The following CD109 variants were observed in gnomAD, a reference collection of about 807,000 sequenced individuals.
CD109 encodes the protein CD109 molecule.
Under a neutral mutation model 165.8 loss-of-function variants are expected in CD109, and 149 were observed. The observed-to-expected ratio is 0.90, with a 90% CI of 0.79 to 1.03. The LOEUF is 1.03. Ranked by LOEUF, CD109 falls within the 50% of genes least tolerant of loss-of-function variation. The pLI is 0.00. For synonymous variants in CD109, 585 were observed against 592.1 expected, an observed-to-expected ratio of 0.99 and a Z score of 0.18; for missense variants, 1,712 against 1,677.8, an observed-to-expected ratio of 1.02 and a Z score of -0.36.
rs147944841 is a variant in CD109, at chr6:73,763,607, C to A, written c.1029C>A (p.Phe343Leu). 2,932 of 1,592,226 alleles carry A rather than the reference C, an allele frequency of 1.8e-3. 7 individuals carry two copies. Among genetic ancestry groups the A allele is most frequent in the Non-Finnish European group, 2.4e-3 (2,793 of 1,167,404 alleles). The change falls in exon 10 of 33, where the codon TTC (phenylalanine) becomes TTA (leucine). Residue 343 changes from phenylalanine to leucine, a missense_variant. By Grantham distance (22) the Phe-to-Leu change is conservative. Coordinates refer to ENST00000287097, the MANE Select transcript of CD109 (RefSeq NM_133493.5). ...GISRNVSTNVFFKQHDYIIEF... is the reference protein window; with the variant it reads ...GISRNVSTNVLFKQHDYIIEF... ...CAAGAAATGTAAGCACTAATGTGTT[C>A]TTCAAGCAACATGATTACATCATTG...
chr6:73,733,656 C>T (rs1772445454), intron 4 of CD109, among the ~76,000 whole-genome samples: 1 of 152,140 alleles, frequency 6.6e-6, no homozygotes, highest in Non-Finnish European at 1.5e-5. Context: ...GGTGAATGAT[C>T]TTGTAGGGGA....
At chr6:73,699,314 T>A (rs9350500) in intron 2 of CD109, among the ~76,000 whole-genome samples, 94,107 of 151,848 alleles carry the variant, frequency 0.62, 29,763 homozygotes, top group South Asian at 0.75. Context: ...ATGACAGGCA[T>A]TTTACCTATA....
intron 12 of CD109, 24 bp from the exon 13 acceptor site, chr6:73,766,924 A>AT (rs1448490370): frequency 3.1e-6 from 5 of 1,612,136 alleles, no homozygotes; most frequent in Non-Finnish European, 8.5e-7. Context: ...TGATATGTAC[A>AT]TATTAATTAA....
chr6:73,781,209 T>A (rs769576856), intron 16 of CD109, 50 bp from the exon 17 acceptor site: 2 of 1,469,808 alleles, frequency 1.4e-6, no homozygotes, highest in East Asian at 2.3e-5. Flanking sequence ...GATAATTTAG[T>A]GAGCATTTAA....
intron 10 of CD109, 95 bp downstream of exon 10, chr6:73,763,780 A>G: frequency 1.7e-6 from 1 of 571,710 alleles, no homozygotes; most frequent in East Asian, 3.1e-5. Context: ...CTAAAAATTT[A>G]AGCCAAAAAG....
the CD109 span, among the ~76,000 whole-genome samples, chr6:73,686,664 T>G: frequency 1.3e-5 from 2 of 152,058 alleles, no homozygotes; most frequent in Non-Finnish European, 2.9e-5. Context: ...AAATTAAAAA[T>G]TCAATTTCTC....
intron 2 of CD109, among the ~76,000 whole-genome samples, chr6:73,710,930 CTTTA>C (rs1332359664): frequency 6.6e-6 from 1 of 152,188 alleles, no homozygotes; most frequent in East Asian, 1.9e-4. Context: ...ACCAGCAGAA[CTTTA>C]TTTATGGATG....
intron 21 of CD109, 62 bp downstream of exon 21, chr6:73,787,514 G>GT (rs35066559): frequency 0.34 from 443,245 of 1,315,766 alleles, 79,591 homozygotes; most frequent in African/African-American, 0.46. Context: ...GAAGCAGAAG[G>GT]TTTTTTCTCT....
In CD109 at chr6:73,803,245, G is replaced by A; in HGVS notation, c.2904G>A (p.Gln968=). Residue 968 remains glutamine (Q), a synonymous_variant, in exon 24 of 33, where the codon CAG becomes CAA. Coordinates refer to ENST00000287097, the MANE Select transcript of CD109 (RefSeq NM_133493.5). ...RQGYQRELLY[Q]REDGSFSAFG... ...GTTACCAGAGAGAACTTCTCTATCA[G>A]AGGGAAGATGGCTCTTTCAGTGCTT... The A allele has an allele frequency of 6.2e-7, 1 of 1,610,848 alleles. No homozygotes were observed. The highest frequency in any genetic ancestry group is 1.3e-5 in the African/African-American group (1 of 74,730).
At position 73,720,440 on chromosome 6, in the gene CD109, C is replaced by T. The variant is rs79357555; in HGVS notation, c.248-2811C>T. ...TAATTTCAAGAGATCTAGTGTACAGCATGGTGACTATGGTTAATATCAACA... is the reference window on the plus strand; with the variant it reads ...TAATTTCAAGAGATCTAGTGTACAGTATGGTGACTATGGTTAATATCAACA... On this transcript the variant is annotated intron_variant, in intron 2 of 32. Coordinates refer to ENST00000287097, the MANE Select transcript of CD109 (RefSeq NM_133493.5). Among the ~76,000 whole-genome samples, 53 of 152,142 alleles carry T rather than the reference C, an allele frequency of 3.5e-4. No individual in the cohort carries two copies. The East Asian group carries it at 0.01, about 29-fold the overall frequency.
intron 1 of CD109, 48 bp from the exon 2 acceptor site, chr6:73,697,352 G>T (rs368400978): frequency 6.4e-7 from 1 of 1,562,484 alleles, no homozygotes; most frequent in African/African-American, 1.4e-5. Context: ...AAAGAAAGGA[G>T]ATGTGAGGAT....
At chr6:73,800,500 A>T (rs928930347) in intron 23 of CD109, among the ~76,000 whole-genome samples, 18 of 152,178 alleles carry the variant, frequency 1.2e-4, no homozygotes, top group Non-Finnish European at 2.4e-4. Flanking sequence ...GGGTAAAGAC[A>T]TTCCCCTACA....
upstream of CD109, chr6:73,695,063 T>A (rs935965083): frequency 1.5e-5 from 2 of 129,326 alleles, no homozygotes; most frequent in African/African-American, 5.3e-5. Flanking sequence ...TCACTTTTCC[T>A]TATTTAGCAC....
intron 2 of CD109, among the ~76,000 whole-genome samples, chr6:73,698,826 C>A (rs1269875046): frequency 6.6e-6 from 1 of 152,270 alleles, no homozygotes; most frequent in East Asian, 1.9e-4. Flanking sequence ...GAGTTTGAAT[C>A]CTGGTACTAC....
chr6:73,696,207 G>A lies in CD109; in HGVS notation c.-9G>A. 6.5e-7 allele frequency: 1 copy of A among 1,545,500 alleles called. No homozygotes were observed. The highest frequency in any genetic ancestry group is 1.2e-5 in the South Asian group (1 of 84,284). The stretch of plus-strand genomic sequence containing the variant: ...GCAGCGGACTGTAGCCCAGGCAGAC[G>A]CCGTCGAGATGCAGGGCCCACCGCT... On this transcript the variant is annotated 5_prime_UTR_variant, in exon 1 of 33. Transcript: ENST00000287097.
chr6:73,689,765 TATTTCAC>T, the CD109 span, among the ~76,000 whole-genome samples: 1 of 152,232 alleles, frequency 6.6e-6, no homozygotes, highest in Admixed American at 6.5e-5. Context: ...AAACATTGTG[TATTTCAC>T]ATATTTCATC....
In CD109 at chr6:73,810,945, A is replaced by C. The variant is rs750379072; in HGVS notation, c.3547-47A>C. 24 of 1,541,428 alleles carry C rather than the reference A, an allele frequency of 1.6e-5. No homozygotes were observed. The Middle Eastern group carries it at 1.2e-3, about 80-fold the overall frequency. On this transcript the variant is annotated intron_variant, in intron 27 of 32. Transcript: ENST00000287097. ...ATACTACTAAATTTACTCTTTGAAGACCTTGATATATACTTATATGTACAA... is the reference window on the plus strand; with the variant it reads ...ATACTACTAAATTTACTCTTTGAAGCCCTTGATATATACTTATATGTACAA...
At chr6:73,766,710 A>G (rs781266141) in intron 11 of CD109, 49 bp from the exon 12 acceptor site, 28 of 1,309,102 alleles carry the variant, frequency 2.1e-5, no homozygotes, top group Non-Finnish European at 2.7e-5. Flanking sequence ...TCTTTTCTCA[A>G]GGTGTTACTA....
intron 7 of CD109, among the ~76,000 whole-genome samples, chr6:73,761,275 A>T (rs900278135): frequency 5.3e-5 from 8 of 152,154 alleles, no homozygotes; most frequent in Non-Finnish European, 1.2e-4. Context: ...AATCTTCTAA[A>T]GCTGCGAAGT....
Sources: gnomAD v4.1 joint callset for allele counts (sites outside exome capture counted in the v4.1 genomes callset) on GRCh38, gnomAD v4.1.1 for gene constraint, MANE v1.5 for transcripts, NCBI Gene and HGNC (gene_info 2026-07-23, HGNC 2026-07-21) for gene names.